The following RIMS2 variants were observed in gnomAD, a reference collection of about 807,000 sequenced individuals.
The protein encoded by RIMS2 is regulating synaptic membrane exocytosis 2, also known as regulating synaptic membrane exocytosis protein 2.
Under a neutral mutation model 174.4 loss-of-function variants are expected in RIMS2, and 59 were observed. The ratio of observed to expected loss-of-function variants is 0.34; its 90% CI spans 0.27 to 0.42. The LOEUF (loss-of-function observed/expected upper bound fraction) is 0.42, where lower values mean the gene tolerates loss of function less well. RIMS2 is among the 10% of genes least tolerant of loss of function. The pLI, the probability that RIMS2 is intolerant of heterozygous loss-of-function variation, is 1.00. For synonymous variants in RIMS2, 606 were observed against 572.5 expected (o/e 1.06, Z -0.84); for missense variants, 1,620 against 1,666.3 (o/e 0.97, Z 0.48).
At chr8:103,597,819 G>T (rs1366080862) in intron 1 of RIMS2, among the ~76,000 whole-genome samples, 2 of 151,852 alleles carry the variant, frequency 1.3e-5, no homozygotes, top group Non-Finnish European at 2.9e-5. Flanking sequence ...ATATAATAGT[G>T]TTTTTTAAAC....
chr8:103,979,522 G>T lies in RIMS2; in HGVS notation c.2927+4016G>T, dbSNP rs1455246633. Among the ~76,000 whole-genome samples, 10 of 152,148 alleles carry T rather than the reference G, an allele frequency of 6.6e-5. No homozygotes were observed. The East Asian group carries it at 1.9e-3, about 29-fold the overall frequency. Reference sequence around the variant, plus strand: ...TATGTCAAAAAGATACCTGTGAGGGGACAAAGCAAGATGGGGAATACGTGC... The same window carrying T: ...TATGTCAAAAAGATACCTGTGAGGGTACAAAGCAAGATGGGGAATACGTGC... On this transcript the variant is annotated intron_variant, in intron 16 of 23. Transcript: ENST00000504942.
At chr8:103,707,095 T>A (rs1321845922) in intron 2 of RIMS2, among the ~76,000 whole-genome samples, 1 of 152,236 alleles carries the variant, frequency 6.6e-6, no homozygotes, top group Non-Finnish European at 1.5e-5. Flanking sequence ...TAATCATTGA[T>A]GTTTCCAGCT....
At chr8:104,020,418 T>C (rs2096058378) in intron 19 of RIMS2, among the ~76,000 whole-genome samples, 2 of 152,064 alleles carry the variant, frequency 1.3e-5, no homozygotes, top group African/African-American at 4.8e-5. Flanking sequence ...GAATATGCTT[T>C]TTAAAATAAG....
rs752360759 is a variant in RIMS2, at chr8:103,734,317, C to CTT, written c.388-31893_388-31892dup. Among the ~76,000 whole-genome samples, 514 of 121,684 alleles carry CTT rather than the reference C, an allele frequency of 4.2e-3. 1 individual carries two copies. The highest frequency in any genetic ancestry group is 0.019 in the Middle Eastern group (4 of 214). The allele number at this position is 121,684 out of a possible 152,430, so 79.8% of individuals were successfully genotyped here. A position where few individuals can be genotyped will look rare whatever the true frequency, so the allele number is the denominator to read the frequency against. On this transcript the variant is annotated intron_variant, in intron 2 of 23. Coordinates refer to ENST00000504942, the Ensembl canonical transcript of RIMS2. ...TGAGCCACCACACCTGGCCTAAAAGCTTTTTTTTTTTTTTTTTTAACATTT... is the reference window on the plus strand; with the variant it reads ...TGAGCCACCACACCTGGCCTAAAAGCTTTTTTTTTTTTTTTTTTTTAACATTT...
At chr8:104,183,329 T>A (rs920861404) in intron 19 of RIMS2, among the ~76,000 whole-genome samples, 1 of 151,784 alleles carries the variant, frequency 6.6e-6, no homozygotes, top group African/African-American at 2.4e-5. Flanking sequence ...GTATTTCTAC[T>A]AATTTACATA....
At chr8:104,022,329 A>C (rs754238788) in intron 19 of RIMS2, among the ~76,000 whole-genome samples, 1 of 152,104 alleles carries the variant, frequency 6.6e-6, no homozygotes, top group Non-Finnish European at 1.5e-5. Context: ...GGAATGATTA[A>C]AGACAGCTTG....
chr8:104,126,121 A>C (rs1251401169), intron 19 of RIMS2, among the ~76,000 whole-genome samples: 1 of 152,164 alleles, frequency 6.6e-6, no homozygotes, highest in African/African-American at 2.4e-5. Flanking sequence ...TCATGGAAGA[A>C]ACCGGTTTTA....
At chr8:103,511,150 G>A (rs749486332) in intron 1 of RIMS2, among the ~76,000 whole-genome samples, 4 of 152,074 alleles carry the variant, frequency 2.6e-5, no homozygotes, top group Non-Finnish European at 5.9e-5. Flanking sequence ...TAAAATGTTT[G>A]TGTAACTGGG....
At chr8:103,951,215 T>C (rs962221792) in intron 14 of RIMS2, among the ~76,000 whole-genome samples, 1 of 152,244 alleles carries the variant, frequency 6.6e-6, no homozygotes, top group Non-Finnish European at 1.5e-5. Context: ...TGAAGGAACA[T>C]ACTTCAAAAT....
At chr8:104,096,119 T>A (rs540132426) in intron 19 of RIMS2, among the ~76,000 whole-genome samples, 4 of 152,264 alleles carry the variant, frequency 2.6e-5, no homozygotes, top group African/African-American at 9.6e-5. Context: ...TAGGATAATT[T>A]CATCACTAAT....
chr8:103,870,854 A>G (rs537289018), intron 3 of RIMS2, among the ~76,000 whole-genome samples: 7 of 152,270 alleles, frequency 4.6e-5, no homozygotes, highest in Admixed American at 1.3e-4. Flanking sequence ...CCTAGGTTTA[A>G]CCATAGGATT....
intron 19 of RIMS2, among the ~76,000 whole-genome samples, chr8:104,023,203 C>CAT (rs1462279384): frequency 6.6e-6 from 1 of 151,674 alleles, no homozygotes. Flanking sequence ...AGGGGTGACT[C>CAT]ATATATGAAC....
intron 19 of RIMS2, among the ~76,000 whole-genome samples, chr8:104,088,241 A>G (rs1468598487): frequency 6.6e-6 from 1 of 152,084 alleles, no homozygotes; most frequent in African/African-American, 2.4e-5. Flanking sequence ...TTGTGTTACT[A>G]TCAAAGAGCA....
intron 1 of RIMS2, among the ~76,000 whole-genome samples, chr8:103,544,965 T>C (rs1844333061): frequency 6.6e-6 from 1 of 152,188 alleles, no homozygotes; most frequent in African/African-American, 2.4e-5. Context: ...GCAAGAACTC[T>C]AGCTACTCAA....
chr8:104,091,493 G>A (rs1368820919), intron 19 of RIMS2, among the ~76,000 whole-genome samples: 1 of 150,864 alleles, frequency 6.6e-6, no homozygotes, highest in East Asian at 1.9e-4. Context: ...ATTTTTGTAT[G>A]AATAAATGCC....
At chr8:103,828,630 T>C (rs535986931) in intron 3 of RIMS2, among the ~76,000 whole-genome samples, 2 of 152,266 alleles carry the variant, frequency 1.3e-5, no homozygotes, top group African/African-American at 4.8e-5. Context: ...TTGGAGCCTT[T>C]ATGTCATGAA....
intron 2 of RIMS2, among the ~76,000 whole-genome samples, chr8:103,715,064 G>A (rs2097352134): frequency 6.6e-6 from 1 of 152,064 alleles, no homozygotes; most frequent in East Asian, 1.9e-4. Flanking sequence ...AGAGAAAAGA[G>A]ATATAAAATC....
intron 3 of RIMS2, among the ~76,000 whole-genome samples, chr8:103,876,613 CCT>C (rs574803956): frequency 2.6e-4 from 39 of 150,944 alleles, no homozygotes; most frequent in Non-Finnish European, 4.7e-4. Context: ...ACCCTTTCCC[CCT>C]GAGTCCCCAA....
chr8:103,806,047 G>C (rs1306247808), intron 3 of RIMS2, among the ~76,000 whole-genome samples: 1 of 151,928 alleles, frequency 6.6e-6, no homozygotes, highest in African/African-American at 2.4e-5. Flanking sequence ...TTAACATAAA[G>C]TTTTGAGATA....
Sources: gnomAD v4.1 joint callset for allele counts (sites outside exome capture counted in the v4.1 genomes callset) on GRCh38, gnomAD v4.1.1 for gene constraint, MANE v1.5 for transcripts, NCBI Gene and HGNC (gene_info 2026-07-23, HGNC 2026-07-21) for gene names.